Variants in HHLA1 observed in about 807,000 individuals in gnomAD.
HHLA1 encodes the protein HERV-H LTR-associating protein 1.
A neutral mutation model predicts 69.9 loss-of-function variants in HHLA1; 72 were observed. The ratio of observed to expected loss-of-function variants is 1.03; its 90% confidence interval spans 0.85 to 1.25. The LOEUF is 1.25. Among genes scored for constraint, HHLA1 ranks in the 50% most tolerant of loss-of-function variants. HHLA1 has a pLI of 0.00. For missense variants in HHLA1, 685 were observed against 642.2 expected (o/e 1.07, Z -0.72); for synonymous variants, 252 against 233.2 (o/e 1.08, Z -0.73).
At chr8:132,092,408 C>T (rs1235970769) in intron 7 of HHLA1, among the ~76,000 whole-genome samples, 1 of 152,100 alleles carries the variant, frequency 6.6e-6, no homozygotes, top group Non-Finnish European at 1.5e-5. Flanking sequence ...TGTGTCCTTG[C>T]CCAAATCTCA....
Position 132,104,969 on chromosome 8 carries a change from G to A in HHLA1, c.79+218C>T, listed in dbSNP as rs146710390. On this transcript the variant is annotated intron_variant, in intron 2 of 16. Coordinates refer to ENST00000414222, the MANE Select transcript of HHLA1 (RefSeq NM_001145095.3). ...AGGGAAAATAATGTTTTGGACAAAG[G>A]TGGTAACAGTGAAGGTGAAGAGAAT... 2.0e-3 allele frequency among the ~76,000 whole-genome samples: 301 copies of A among 152,310 alleles called. 1 individual carries two copies. Among genetic ancestry groups the A allele is most frequent in the African/African-American group, 6.8e-3 (281 of 41,560 alleles).
At chr8:132,093,492 C>T (rs781491302) in intron 7 of HHLA1, among the ~76,000 whole-genome samples, 20 of 152,086 alleles carry the variant, frequency 1.3e-4, no homozygotes, top group East Asian at 3.9e-4. Flanking sequence ...TCACCTTCCC[C>T]GAAGGTGTTG....
chr8:132,064,239 A>T (rs1010177251), intron 16 of HHLA1, among the ~76,000 whole-genome samples: 16 of 152,230 alleles, frequency 1.1e-4, no homozygotes, highest in Admixed American at 1.3e-4. Flanking sequence ...GCTAGTTAGC[A>T]TCAAAGTCTA....
chr8:132,080,691 C>G (rs902513196), intron 10 of HHLA1: 1 of 152,574 alleles, frequency 6.6e-6, no homozygotes, highest in African/African-American at 2.4e-5. Flanking sequence ...GCCTGACATG[C>G]CTGCCTTCTT....
rs1823860206 is a variant in HHLA1, at chr8:132,086,250, A to G, written c.676+1403T>C. Among the ~76,000 whole-genome samples, 3 of 152,166 alleles carry G rather than the reference A, an allele frequency of 2.0e-5. No individual in the cohort carries two copies. In the South Asian group the frequency reaches 6.2e-4, roughly 32 times the overall value. On this transcript the variant is annotated intron_variant, in intron 10 of 16. Coordinates refer to ENST00000414222, the MANE Select transcript of HHLA1 (RefSeq NM_001145095.3). ...ATGACAGGCTCCTATTAGCCCATAG[A>G]GTCCCGTTGGGAAGACAAAGACTGG...
At chr8:132,083,452 G>A (rs35389372) in intron 10 of HHLA1, among the ~76,000 whole-genome samples, 23,903 of 151,994 alleles carry the variant, frequency 0.16, 2,419 homozygotes, top group Middle Eastern at 0.27. Context: ...GAAGCTTGGC[G>A]TCCGTGATGG....
At chr8:132,099,751 G>A (rs1824083954) in intron 4 of HHLA1, among the ~76,000 whole-genome samples, 1 of 152,152 alleles carries the variant, frequency 6.6e-6, no homozygotes, top group African/African-American at 2.4e-5. Context: ...CTACTTGGGA[G>A]GCTGAGGCAG....
chr8:132,076,596 G>T lies in HHLA1; in HGVS notation c.1172-53C>A, dbSNP rs993124198. The T allele has an allele frequency of 3.4e-5, 43 of 1,254,432 alleles. No individual in the cohort carries two copies. In the African/African-American group the frequency reaches 5.9e-4, roughly 17 times the overall value. The allele number at this position is 1,254,432 out of a possible 1,614,324, so 77.7% of individuals were successfully genotyped here. On this transcript the variant is annotated intron_variant, in intron 12 of 16. Coordinates refer to ENST00000414222, the MANE Select transcript of HHLA1 (RefSeq NM_001145095.3). ...CTGCATCTCTTCTAGGGGGCCCTGA[G>T]GGAGAAGATGACCAGGGCCACCTAT...
intron 4 of HHLA1, among the ~76,000 whole-genome samples, chr8:132,099,204 T>G (rs1364941982): frequency 6.6e-6 from 1 of 152,158 alleles, no homozygotes; most frequent in African/African-American, 2.4e-5. Context: ...AAACATGAAC[T>G]TTTAGTGACA....
At chr8:132,073,789 G>T (rs954388287) in intron 14 of HHLA1, among the ~76,000 whole-genome samples, 23 of 151,988 alleles carry the variant, frequency 1.5e-4, no homozygotes, top group Non-Finnish European at 2.9e-4. Flanking sequence ...CATGATTTTT[G>T]GTTCCCTCCT....
rs1236934274 is a variant in HHLA1 at position 132,105,203 on chromosome 8, C to T, written c.63G>A (p.Leu21=). Residue 21 remains leucine, a synonymous_variant, in exon 2 of 17, where the codon TTG becomes TTA. Transcript: ENST00000414222. ...TAGACCCACCTGTGTTCCAAAGGGA[C>T]AAGACACATGCCAGGCCCATGCACA... ...MKLCMGLACV[L]SLWNTVSGIK... 1 of 1,552,072 alleles carries T rather than the reference C, an allele frequency of 6.4e-7. No individual in the cohort carries two copies. Among genetic ancestry groups the T allele is most frequent in the Middle Eastern group, 1.7e-4 (1 of 5,996 alleles).
rs1437949870 is a variant in HHLA1 at position 132,095,764 on chromosome 8, C to G, written c.303G>C (p.Leu101Phe). Residue 101 changes from leucine to phenylalanine, a missense_variant, in exon 6 of 17, where the codon TTG becomes TTC. Physicochemically the swap from Leu to Phe is conservative, Grantham distance 22. Coordinates refer to ENST00000414222, the MANE Select transcript of HHLA1 (RefSeq NM_001145095.3). ...AGGAACTGTAGGAAGTGACACTCAGCAAGGAGAAGAACTTCTTGCTATCTG... is the reference window on the plus strand; with the variant it reads ...AGGAACTGTAGGAAGTGACACTCAGGAAGGAGAAGAACTTCTTGCTATCTG... ...ALKDSKKFFSLLSVTSYSSFA... is the reference protein window; with the variant it reads ...ALKDSKKFFSFLSVTSYSSFA... 1 of 1,550,962 alleles carries G rather than the reference C, an allele frequency of 6.4e-7. No individual in the cohort carries two copies. Among genetic ancestry groups the G allele is most frequent in the Non-Finnish European group, 8.7e-7 (1 of 1,146,648 alleles).
At chr8:132,067,009 G>A (rs528871416) in intron 15 of HHLA1, among the ~76,000 whole-genome samples, 1 of 152,274 alleles carries the variant, frequency 6.6e-6, no homozygotes, top group Admixed American at 6.5e-5. Context: ...ATAAAGGGCT[G>A]AAAGAACCAA....
At chr8:132,095,907 G>T in intron 5 of HHLA1, 121 bp from the exon 6 acceptor site, 3 of 583,472 alleles carry the variant, frequency 5.1e-6, no homozygotes, top group Middle Eastern at 3.4e-4. Context: ...TGAAAATAAA[G>T]AAACAAACAA....
chr8:132,068,259 T>G (rs1312140731), intron 15 of HHLA1, among the ~76,000 whole-genome samples: 1 of 152,216 alleles, frequency 6.6e-6, no homozygotes, highest in Non-Finnish European at 1.5e-5. Context: ...TGCCATTCTG[T>G]GCCTGAATTC....
intron 10 of HHLA1, among the ~76,000 whole-genome samples, chr8:132,081,858 C>T (rs1358088165): frequency 1.3e-5 from 2 of 152,102 alleles, no homozygotes; most frequent in Non-Finnish European, 1.5e-5. Flanking sequence ...AAGTTATTTC[C>T]TTGAGGATAG....
At chr8:132,078,242 T>A (rs943395610) in intron 11 of HHLA1, among the ~76,000 whole-genome samples, 1 of 151,814 alleles carries the variant, frequency 6.6e-6, no homozygotes, top group African/African-American at 2.4e-5. Flanking sequence ...CCCAGGCGTG[T>A]GTGTTTGGGG....
rs1001027644 is a variant in HHLA1, at chr8:132,089,516, C to A, written c.532G>T (p.Val178Leu). 2.5e-5 allele frequency: 37 copies of A among 1,486,186 alleles called. No individual in the cohort carries two copies. Among genetic ancestry groups the A allele is most frequent in the Non-Finnish European group, 3.0e-5 (33 of 1,087,342 alleles). The allele number at this position is 1,486,186 out of a possible 1,614,324, so 92.1% of individuals were successfully genotyped here. Residue 178 changes from valine to leucine, a missense_variant and splice_region_variant, in exon 8 of 17, where the codon GTG (valine) becomes TTG (leucine). By Grantham distance (32) the Val-to-Leu change is conservative (BLOSUM62 1). Transcript: ENST00000414222. ...EIFKSTSILSVNQSNESDCIF... is the reference protein window; with the variant it reads ...EIFKSTSILSLNQSNESDCIF... ...CAAAGCGTTTTCAAGATGAACACAC[C>A]TGAGAGGATGGAGGTTGACTTAAAA...
At chr8:132,070,010 A>AGGGGGGGG in intron 15 of HHLA1, 1 of 26,040 alleles carries the variant, frequency 3.8e-5, no homozygotes, top group East Asian at 3.2e-4. Context: ...GTTCGTACTG[A>AGGGGGGGG]CGGGGGGGGG....
Sources: gnomAD v4.1 joint callset for allele counts (sites outside exome capture counted in the v4.1 genomes callset) on GRCh38, gnomAD v4.1.1 for gene constraint, MANE v1.5 for transcripts, NCBI Gene and HGNC (gene_info 2026-07-23, HGNC 2026-07-21) for gene names.